KAT6B: variants seen among roughly 807,000 people sequenced by gnomAD.
The protein encoded by KAT6B is histone acetyltransferase KAT6B.
A neutral mutation model predicts 187.5 loss-of-function variants in KAT6B; 10 were observed. The ratio of observed to expected loss-of-function variants is 0.05; its 90% CI spans 0.03 to 0.09. The LOEUF is 0.09. Among genes scored for constraint, KAT6B ranks in the 10% least tolerant of loss-of-function variants. The probability of loss-of-function intolerance (pLI) is 1.00; values close to 1 mark genes in which losing one functional copy is unlikely to be tolerated. For synonymous variants in KAT6B, 861 were observed against 926.8 expected (o/e 0.93, Z 1.29); for missense variants, 1,952 against 2,558.9 (o/e 0.76, Z 5.12).
intron 3 of KAT6B, among the ~76,000 whole-genome samples, chr10:74,889,758 G>C (rs1845525531): frequency 6.6e-6 from 1 of 152,184 alleles, no homozygotes; most frequent in Non-Finnish European, 1.5e-5. Flanking sequence ...TTTACACAAG[G>C]CAGGCAGGAG....
At chr10:74,974,886 A>T (rs943536970) in intron 7 of KAT6B, among the ~76,000 whole-genome samples, 2 of 147,900 alleles carry the variant, frequency 1.4e-5, no homozygotes, top group African/African-American at 2.7e-5. Flanking sequence ...ATGTTTTCTT[A>T]AAAAAAAGTA....
intron 13 of KAT6B, among the ~76,000 whole-genome samples, chr10:75,004,509 G>T (rs377682163): frequency 4.6e-5 from 7 of 152,170 alleles, no homozygotes; most frequent in African/African-American, 1.4e-4. Context: ...CTGTGCCAGG[G>T]ATGGTCTAGG....
chr10:74,898,997 C>CAAAAAAAAAAAAAAAAA (rs776291985), intron 3 of KAT6B, among the ~76,000 whole-genome samples: 2 of 108,068 alleles, frequency 1.9e-5, no homozygotes, highest in African/African-American at 7.9e-5. Context: ...ACTAAAAATA[C>CAAAAAAAAAAAAAAAAA]AAAAAAAAAA....
At chr10:74,925,341 C>T (rs1044520043) in intron 3 of KAT6B, among the ~76,000 whole-genome samples, 9 of 151,966 alleles carry the variant, frequency 5.9e-5, no homozygotes, top group African/African-American at 2.2e-4. Context: ...TGAGCCTGGC[C>T]AATTTCTTTT....
Position 75,031,244 on chromosome 10 carries a change from T to C in KAT6B, c.*198T>C. 1 of 595,024 alleles carries C rather than the reference T, an allele frequency of 1.7e-6. No individual in the cohort carries two copies. 36.9% of individuals were successfully genotyped at this position (595,024 alleles called of 1,614,324 possible). On this transcript the variant is annotated 3_prime_UTR_variant, in exon 18 of 18. Coordinates refer to ENST00000287239, the MANE Select transcript of KAT6B (RefSeq NM_012330.4). ...GTTGTTTTTCTTTTTTTCCTTTTTC[T>C]TTTTTTTGGTACCTTCATTTCTGTT...
chr10:74,833,134 CAAA>C (rs905808106), intron 1 of KAT6B, among the ~76,000 whole-genome samples: 1 of 52,318 alleles, frequency 1.9e-5, no homozygotes. Context: ...GACTCTGTCT[CAAA>C]AAAAAAAAAA....
chr10:74,826,093 C>T (rs1840188015), upstream of KAT6B, among the ~76,000 whole-genome samples: 2 of 148,906 alleles, frequency 1.3e-5, no homozygotes, highest in African/African-American at 5.0e-5. Flanking sequence ...CCGCCGCCAG[C>T]GATCAGCTCT....
chr10:75,019,124 G>A (rs1845199541), intron 13 of KAT6B, among the ~76,000 whole-genome samples: 1 of 152,204 alleles, frequency 6.6e-6, no homozygotes, highest in African/African-American at 2.4e-5. Context: ...GCTATTGAAA[G>A]CCCCAATCTG....
chr10:74,980,398 G>T (rs868694136), intron 10 of KAT6B, among the ~76,000 whole-genome samples: 2 of 152,048 alleles, frequency 1.3e-5, no homozygotes, highest in African/African-American at 2.4e-5. Context: ...TCGTTAGCAT[G>T]TGAGTGTCTG....
intron 3 of KAT6B, among the ~76,000 whole-genome samples, chr10:74,942,033 C>G (rs368278309): frequency 6.6e-6 from 1 of 152,122 alleles, no homozygotes; most frequent in African/African-American, 2.4e-5. Flanking sequence ...GCCTGTAATC[C>G]CAGCTACTCA....
intron 9 of KAT6B, among the ~76,000 whole-genome samples, chr10:74,978,248 C>A (rs1842290758): frequency 6.6e-6 from 1 of 152,198 alleles, no homozygotes; most frequent in Non-Finnish European, 1.5e-5. Context: ...CTGCCCCGAT[C>A]TATCAGGATG....
At chr10:74,971,865 A>G (rs565557713) in intron 6 of KAT6B, among the ~76,000 whole-genome samples, 13 of 152,186 alleles carry the variant, frequency 8.5e-5, no homozygotes, top group African/African-American at 2.6e-4. Context: ...ATAGATAGCT[A>G]TTTGTTCTAT....
rs976278321 is a variant in KAT6B, at chr10:75,032,288, T to C, written c.*1242T>C. Reference sequence around the variant, plus strand: ...ACATAAAATAAATTATGATGAGCCATTTTTAGCCTCTTGTGTCCTGTCATA... The same window carrying C: ...ACATAAAATAAATTATGATGAGCCACTTTTAGCCTCTTGTGTCCTGTCATA... On this transcript the variant is annotated 3_prime_UTR_variant, in exon 18 of 18. Transcript: ENST00000287239. 8.8e-5 allele frequency: 17 copies of C among 193,068 alleles called. No individual in the cohort carries two copies. The highest frequency in any genetic ancestry group is 3.3e-4 in the African/African-American group (14 of 43,068). The allele number at this position is 193,068 out of a possible 1,614,324, so 12.0% of individuals were successfully genotyped here. A position where few individuals can be genotyped will look rare whatever the true frequency, so the allele number is the denominator to read the frequency against.
intron 3 of KAT6B, among the ~76,000 whole-genome samples, chr10:74,934,260 T>A (rs773079476): frequency 5.3e-5 from 8 of 151,654 alleles, no homozygotes; most frequent in Non-Finnish European, 8.8e-5. Flanking sequence ...TTAGCTGTAC[T>A]ATTAGAATGA....
At chr10:74,980,510 G>A (rs1213760239) in intron 10 of KAT6B, among the ~76,000 whole-genome samples, 7 of 152,196 alleles carry the variant, frequency 4.6e-5, no homozygotes, top group African/African-American at 1.7e-4. Context: ...CCATTTGGTT[G>A]TGTGTTCTTG....
chr10:74,989,093 A>G lies in KAT6B; in HGVS notation c.2610A>G (p.Gly870=). The stretch of plus-strand genomic sequence containing the variant: ...CCCAGCACCAAAGGCAAGGATTTGG[A>G]CGGTTTCTCATTGATTTCAGTAAGT... ...IMPQHQRQGF[G]RFLIDFSYLL... The change falls in exon 13 of 18, where the codon GGA becomes GGG. Residue 870 remains glycine, a synonymous_variant. Transcript: ENST00000287239. 1.2e-6 allele frequency: 2 copies of G among 1,612,858 alleles called. No individual in the cohort carries two copies. Among genetic ancestry groups the G allele is most frequent in the South Asian group, 1.1e-5 (1 of 91,070 alleles).
intron 13 of KAT6B, among the ~76,000 whole-genome samples, chr10:75,002,644 TGGATACCGTA>T (rs1589789377): frequency 1.3e-5 from 2 of 151,846 alleles, no homozygotes; most frequent in East Asian, 3.8e-4. Context: ...GTTACTGTAC[TGGATACCGTA>T]GGTGTTAGTG....
At chr10:75,015,239 G>A (rs578210654) in intron 13 of KAT6B, among the ~76,000 whole-genome samples, 1 of 152,264 alleles carries the variant, frequency 6.6e-6, no homozygotes, top group Admixed American at 6.5e-5. Flanking sequence ...TCTTAAACTT[G>A]TTTCAACACC....
At position 75,021,994 on chromosome 10, in the gene KAT6B, T is replaced by C. The variant is rs1845444583; in HGVS notation, c.3135T>C (p.Tyr1045=). Residue 1045 remains tyrosine, a synonymous_variant, in exon 16 of 18, where the codon TAT becomes TAC. Coordinates refer to ENST00000287239, the MANE Select transcript of KAT6B (RefSeq NM_012330.4). Reference sequence around the variant, plus strand: ...CAAAAGTACAATCGAAAAATAAATATTTGCATTCCCCGGAGAGCCGGCCAG... The same window carrying C: ...CAAAAGTACAATCGAAAAATAAATACTTGCATTCCCCGGAGAGCCGGCCAG... ...SPAKVQSKNK[Y]LHSPESRPVT... The C allele has an allele frequency of 1.2e-6, 2 of 1,613,856 alleles. No homozygotes were observed. The highest frequency in any genetic ancestry group is 8.5e-7 in the Non-Finnish European group (1 of 1,179,984).
Sources: allele counts gnomAD v4.1 joint callset (sites outside exome capture counted in the v4.1 genomes callset), GRCh38; gene constraint gnomAD v4.1.1; transcripts MANE v1.5; gene names NCBI Gene and HGNC (gene_info 2026-07-23, HGNC 2026-07-21).